NCKAP5: variants seen among roughly 807,000 people sequenced by gnomAD.
NCKAP5 encodes the protein NCK associated protein 5.
NCKAP5 carries 92 observed loss-of-function variants against 167.0 expected under a neutral mutation model. That is an observed-to-expected ratio of 0.55 (90% CI 0.47 to 0.66). The LOEUF is 0.66. NCKAP5 is among the 30% of genes least tolerant of loss of function. The probability of loss-of-function intolerance (pLI) is 0.00; values close to 1 mark genes in which losing one functional copy is unlikely to be tolerated. For missense variants in NCKAP5, 2,378 were observed against 2,315.0 expected, an observed-to-expected ratio of 1.03 and a Z score of -0.56; for synonymous variants, 891 against 877.4, an observed-to-expected ratio of 1.02 and a Z score of -0.27.
At chr2:133,554,101 G>C (rs1687570252) in intron 2 of NCKAP5, among the ~76,000 whole-genome samples, 1 of 152,116 alleles carries the variant, frequency 6.6e-6, no homozygotes, top group African/African-American at 2.4e-5. Flanking sequence ...GCTTCTTCGA[G>C]GCCAGCAGCA....
chr2:132,805,839 T>G (rs928325264), intron 11 of NCKAP5, among the ~76,000 whole-genome samples: 15 of 152,230 alleles, frequency 9.9e-5, no homozygotes, highest in Middle Eastern at 3.4e-3. Context: ...GAGTACATTC[T>G]TTAGTGGTGA....
At chr2:133,087,727 T>C (rs1007396079) in intron 6 of NCKAP5, among the ~76,000 whole-genome samples, 3 of 152,186 alleles carry the variant, frequency 2.0e-5, no homozygotes, top group Non-Finnish European at 4.4e-5. Context: ...TTATTTTCCA[T>C]GTTAATAATT....
chr2:133,647,372 A>G, the NCKAP5 span, among the ~76,000 whole-genome samples: 3,112 of 78,016 alleles, frequency 0.04, 271 homozygotes, highest in African/African-American at 0.14. Context: ...AGGAAGGAAG[A>G]AAGAAAGGAA....
At chr2:133,584,984 AGGAAGGAAGGAG>A in the NCKAP5 span, among the ~76,000 whole-genome samples, 2 of 150,094 alleles carry the variant, frequency 1.3e-5, no homozygotes, top group African/African-American at 4.9e-5. Context: ...GAAGGAAGGA[AGGAAGGAAGGAG>A]GGAAAGAAAG....
intron 3 of NCKAP5, among the ~76,000 whole-genome samples, chr2:133,403,932 A>G (rs1037435420): frequency 1.3e-5 from 2 of 150,340 alleles, no homozygotes; most frequent in Non-Finnish European, 2.9e-5. Context: ...AGTTTTCACC[A>G]GTCATACCTG....
At chr2:132,983,959 AG>A (rs2077213608) in intron 7 of NCKAP5, among the ~76,000 whole-genome samples, 1 of 152,350 alleles carries the variant, frequency 6.6e-6, no homozygotes, top group African/African-American at 2.4e-5. Context: ...AACTTCCTTA[AG>A]AATATTCTAT....
chr2:133,345,279 G>A (rs1683893076), intron 3 of NCKAP5, among the ~76,000 whole-genome samples: 1 of 151,998 alleles, frequency 6.6e-6, no homozygotes, highest in Admixed American at 6.6e-5. Context: ...TGAAGTGACA[G>A]CCTTGTGTGT....
rs573744734 is a variant in NCKAP5 at position 133,302,801 on chromosome 2, A to T, written c.143+236T>A. Reference sequence around the variant, plus strand: ...TATAATAAAAAAATAAAAATAAAAAAAATAAATAAATAAATAAATAAATAA... The same window carrying T: ...TATAATAAAAAAATAAAAATAAAAATAATAAATAAATAAATAAATAAATAA... On this transcript the variant is annotated intron_variant, in intron 4 of 19. Coordinates refer to ENST00000409261, the MANE Select transcript of NCKAP5 (RefSeq NM_207363.3). Among the ~76,000 whole-genome samples, 24 of 150,684 alleles carry T rather than the reference A, an allele frequency of 1.6e-4. No individual in the cohort carries two copies. The South Asian group carries it at 2.1e-3, about 13-fold the overall frequency.
At chr2:133,539,892 C>T (rs956043880) in intron 2 of NCKAP5, among the ~76,000 whole-genome samples, 1 of 152,096 alleles carries the variant, frequency 6.6e-6, no homozygotes, top group Admixed American at 6.5e-5. Context: ...GTGAAAAATA[C>T]TATACAGGCT....
At chr2:132,862,431 G>T (rs1043167644) in intron 10 of NCKAP5, among the ~76,000 whole-genome samples, 1 of 152,214 alleles carries the variant, frequency 6.6e-6, no homozygotes, top group Non-Finnish European at 1.5e-5. Flanking sequence ...GAAATGTCAT[G>T]TTCAGAATGA....
chr2:133,640,527 C>T, the NCKAP5 span, among the ~76,000 whole-genome samples: 1 of 152,276 alleles, frequency 6.6e-6, no homozygotes, highest in East Asian at 1.9e-4. Context: ...AATAACGAAG[C>T]AAACTTCTGT....
At chr2:133,259,267 C>A (rs2088786280) in intron 4 of NCKAP5, among the ~76,000 whole-genome samples, 1 of 152,224 alleles carries the variant, frequency 6.6e-6, no homozygotes. Context: ...ATTCCCAGCT[C>A]CACATTAAGT....
chr2:132,959,880 A>C (rs149334854), intron 8 of NCKAP5, among the ~76,000 whole-genome samples: 36 of 152,320 alleles, frequency 2.4e-4, no homozygotes, highest in African/African-American at 8.4e-4. Context: ...AAATACATAG[A>C]AAATGCTACA....
At chr2:133,379,941 T>C (rs974598680) in intron 3 of NCKAP5, among the ~76,000 whole-genome samples, 14 of 152,166 alleles carry the variant, frequency 9.2e-5, no homozygotes, top group Non-Finnish European at 2.9e-5. Context: ...TAGATGTATG[T>C]ACATAATTGG....
chr2:133,592,059 T>TAC, the NCKAP5 span, among the ~76,000 whole-genome samples: 1,238 of 150,622 alleles, frequency 8.2e-3, 10 homozygotes, highest in Non-Finnish European at 0.011. Context: ...AGGATCATTC[T>TAC]ACACACACAC....
chr2:132,840,292 T>TTTTTTTG (rs770227651), intron 11 of NCKAP5, among the ~76,000 whole-genome samples: 1 of 147,400 alleles, frequency 6.8e-6, no homozygotes, highest in East Asian at 2.1e-4. Context: ...TTTTTTTTTT[T>TTTTTTTG]TGAGATAGAG....
intron 11 of NCKAP5, among the ~76,000 whole-genome samples, chr2:132,824,037 G>A (rs1423860138): frequency 6.6e-6 from 1 of 152,076 alleles, no homozygotes; most frequent in Non-Finnish European, 1.5e-5. Flanking sequence ...AATGTATTGG[G>A]GTGACTGTGG....
At chr2:133,263,559 A>T (rs2150378151) in intron 4 of NCKAP5, among the ~76,000 whole-genome samples, 1 of 152,220 alleles carries the variant, frequency 6.6e-6, no homozygotes, top group South Asian at 2.1e-4. Flanking sequence ...GCAAACCAAA[A>T]TTTATGACTA....
At chr2:132,894,532 C>A (rs1285313613) in intron 8 of NCKAP5, among the ~76,000 whole-genome samples, 1 of 152,206 alleles carries the variant, frequency 6.6e-6, no homozygotes, top group African/African-American at 2.4e-5. Context: ...CGACCTCTCT[C>A]CCCTTTCTTT....
Sources: gnomAD v4.1 joint callset for allele counts (sites outside exome capture counted in the v4.1 genomes callset) on GRCh38, gnomAD v4.1.1 for gene constraint, MANE v1.5 for transcripts, NCBI Gene and HGNC (gene_info 2026-07-23, HGNC 2026-07-21) for gene names.